Variants in UGT1A8 observed in about 807,000 individuals in gnomAD.
UGT1A8 encodes UDP glucuronosyltransferase family 1 member A8, also known as UDP-glucuronosyltransferase 1A8.
UGT1A8 carries 39 observed loss-of-function variants against 45.3 expected under a neutral mutation model. That is an observed-to-expected ratio of 0.86 (90% CI 0.67 to 1.12). UGT1A8 has a LOEUF of 1.12. Ranked by LOEUF, UGT1A8 falls within the 50% of genes most tolerant of loss-of-function variation. The probability of loss-of-function intolerance (pLI) is 0.00; values close to 1 mark genes in which losing one functional copy is unlikely to be tolerated. For missense variants in UGT1A8, 719 were observed against 664.9 expected, an observed-to-expected ratio of 1.08 and a Z score of -0.90; for synonymous variants, 275 against 249.2, an observed-to-expected ratio of 1.10 and a Z score of -0.97.
chr2:233,747,435 T>C, intron 1 of UGT1A8: 2 of 1,608,866 alleles, frequency 1.2e-6, no homozygotes, highest in East Asian at 2.2e-5. Flanking sequence ...AGAGAAATTT[T>C]TCACCCTGAC....
chr2:233,732,686 C>T (rs1472057155), intron 1 of UGT1A8, among the ~76,000 whole-genome samples: 1 of 151,722 alleles, frequency 6.6e-6, no homozygotes, highest in African/African-American at 2.4e-5. Flanking sequence ...GGTACCAGCA[C>T]CCATGCTGTT....
chr2:233,704,835 A>AT, intron 1 of UGT1A8, among the ~76,000 whole-genome samples: 1 of 152,086 alleles, frequency 6.6e-6, no homozygotes, highest in Non-Finnish European at 1.5e-5. Context: ...TGCTTTTAAA[A>AT]TCAGTTAAGA....
At chr2:233,713,803 C>T (rs2076347667) in intron 1 of UGT1A8, 2 of 1,614,054 alleles carry the variant, frequency 1.2e-6, no homozygotes, top group Non-Finnish European at 1.7e-6. Context: ...CCGATCATGC[C>T]CAACATGGTC....
chr2:233,637,528 C>T (rs2125459940), intron 1 of UGT1A8: 1 of 1,385,168 alleles, frequency 7.2e-7, no homozygotes, highest in Middle Eastern at 1.9e-4. Flanking sequence ...TTCATGTACT[C>T]ATCAATTATC....
Position 233,767,956 on chromosome 2 carries a change from T to A in UGT1A8, c.1075+20T>A. 6.2e-7 allele frequency: 1 copy of A among 1,614,192 alleles called. No individual in the cohort carries two copies. Among genetic ancestry groups the A allele is most frequent in the Non-Finnish European group, 8.5e-7 (1 of 1,180,026 alleles). ...TGCTTGGTATGTTGGGCGGATTGGATGTATAGGTCAAACCAGGGTCAAATT... is the reference window on the plus strand; with the variant it reads ...TGCTTGGTATGTTGGGCGGATTGGAAGTATAGGTCAAACCAGGGTCAAATT... On this transcript the variant is annotated intron_variant, in intron 3 of 4. Transcript: ENST00000373450.
At chr2:233,663,589 C>A (rs1559330237) in intron 1 of UGT1A8, among the ~76,000 whole-genome samples, 1 of 152,090 alleles carries the variant, frequency 6.6e-6, no homozygotes, top group African/African-American at 2.4e-5. Flanking sequence ...CTGCATGAAT[C>A]CTAAACCATA....
rs368882210 is a variant in UGT1A8 at position 233,718,907 on chromosome 2, A to G, written c.856-48127A>G. The G allele has an allele frequency of 5.1e-5, 83 of 1,614,008 alleles. No homozygotes were observed. In the East Asian group the frequency reaches 5.3e-4, roughly 10 times the overall value. On this transcript the variant is annotated intron_variant, in intron 1 of 4. Coordinates refer to ENST00000373450, the MANE Select transcript of UGT1A8 (RefSeq NM_019076.5). ...GTGTCCAGCCCTGGGCTGAGAGTGG[A>G]AAGGTGTTGGTGGTGCCCACTGATG...
intron 3 of UGT1A8, 137 bp downstream of exon 3, chr2:233,768,073 G>T: frequency 6.3e-7 from 1 of 1,593,970 alleles, no homozygotes; most frequent in Non-Finnish European, 8.6e-7. Context: ...TATCTAGTGG[G>T]GTATCTCAAC....
chr2:233,688,373 T>C (rs1414345723), intron 1 of UGT1A8, among the ~76,000 whole-genome samples: 1 of 152,242 alleles, frequency 6.6e-6, no homozygotes, highest in Admixed American at 6.5e-5. Flanking sequence ...TTGTGAACAT[T>C]TGTATACGAT....
chr2:233,637,215 C>A (rs17854828), intron 1 of UGT1A8: 38 of 1,613,690 alleles, frequency 2.4e-5, no homozygotes, highest in Non-Finnish European at 3.1e-5. Flanking sequence ...TAGAAATAGC[C>A]TCTGAAATTC....
rs199786512 is a variant in UGT1A8 at position 233,769,592 on chromosome 2, C to A, written c.1295+1153C>A. The A allele has an allele frequency of 6.2e-7, 1 of 1,612,706 alleles. No homozygotes were observed. The highest frequency in any genetic ancestry group is 1.3e-5 in the African/African-American group (1 of 74,904). On this transcript the variant is annotated intron_variant, in intron 4 of 4. Coordinates refer to ENST00000373450, the MANE Select transcript of UGT1A8 (RefSeq NM_019076.5). The surrounding 1 kb of genome is among the most constrained non-coding windows in gnomAD (Gnocchi z 4.4). Reference sequence around the variant, plus strand: ...TGGAGCATGTTCAGATGAGAGGAGACGGAACACGGGGACACACCAGCTTGA... The same window carrying A: ...TGGAGCATGTTCAGATGAGAGGAGAAGGAACACGGGGACACACCAGCTTGA...
chr2:233,706,099 A>AG (rs1029714130), intron 1 of UGT1A8, among the ~76,000 whole-genome samples: 2 of 152,164 alleles, frequency 1.3e-5, no homozygotes, highest in African/African-American at 4.8e-5. Context: ...TGTCTTAAAA[A>AG]AAAACCAAGA....
chr2:233,622,463 G>A (rs1371494007), intron 1 of UGT1A8, among the ~76,000 whole-genome samples: 2 of 152,158 alleles, frequency 1.3e-5, no homozygotes, highest in Non-Finnish European at 2.9e-5. Context: ...GTTTTGATTT[G>A]CATTTCTGTG....
intron 1 of UGT1A8, among the ~76,000 whole-genome samples, chr2:233,745,005 A>G (rs1189988608): frequency 6.6e-6 from 1 of 151,852 alleles, no homozygotes; most frequent in Non-Finnish European, 1.5e-5. Context: ...CTTTTACCTA[A>G]TAAATGTAAA....
intron 1 of UGT1A8, among the ~76,000 whole-genome samples, chr2:233,739,983 A>G (rs28900077): frequency 6.6e-6 from 1 of 151,864 alleles, no homozygotes; most frequent in Non-Finnish European, 1.5e-5. Context: ...AGTTTTCCCC[A>G]TGCTGTTCTT....
intron 1 of UGT1A8, among the ~76,000 whole-genome samples, chr2:233,627,784 C>T (rs891446112): frequency 2.6e-5 from 4 of 151,800 alleles, no homozygotes; most frequent in Admixed American, 2.0e-4. Context: ...TCAAGCAATT[C>T]GACTTTTTTG....
At chr2:233,626,976 C>A (rs1325235576) in intron 1 of UGT1A8, among the ~76,000 whole-genome samples, 1 of 152,022 alleles carries the variant, frequency 6.6e-6, no homozygotes, top group Non-Finnish European at 1.5e-5. Context: ...TCTTGTTGTA[C>A]AACCAAAAAA....
At chr2:233,721,128 G>C (rs920776515) in intron 1 of UGT1A8, among the ~76,000 whole-genome samples, 1 of 152,006 alleles carries the variant, frequency 6.6e-6, no homozygotes, top group Non-Finnish European at 1.5e-5. Context: ...CTTTTTATTA[G>C]TGTAGGTATT....
intron 1 of UGT1A8, among the ~76,000 whole-genome samples, chr2:233,651,095 C>T (rs17863769): frequency 8.9e-4 from 136 of 152,272 alleles, no homozygotes; most frequent in Non-Finnish European, 1.5e-3. Flanking sequence ...TGAGGCATGG[C>T]TTTCAGCTCT....
Sources: allele counts gnomAD v4.1 joint callset (sites outside exome capture counted in the v4.1 genomes callset), GRCh38; gene constraint gnomAD v4.1.1; non-coding constraint Gnocchi (gnomAD v3.1); transcripts MANE v1.5; gene names NCBI Gene and HGNC (gene_info 2026-07-23, HGNC 2026-07-21).